The following ADD2 variants were observed in gnomAD, a reference collection of about 807,000 sequenced individuals.
The protein encoded by ADD2 is adducin 2, also known as beta-adducin.
In ADD2, 23 loss-of-function variants were observed where a neutral mutation model predicts 83.0. The ratio of observed to expected loss-of-function variants is 0.28; its 90% CI spans 0.20 to 0.39. The LOEUF is 0.39. Ranked by LOEUF, ADD2 falls within the 10% of genes least tolerant of loss-of-function variation. ADD2 has a pLI of 1.00. For synonymous variants in ADD2, 375 were observed against 375.4 expected, an observed-to-expected ratio of 1.00 and a Z score of 0.01; for missense variants, 758 against 944.9, an observed-to-expected ratio of 0.80 and a Z score of 2.59.
chr2:70,766,555 T>C lies in ADD2; in HGVS notation c.-154+1331A>G, dbSNP rs76374443. On this transcript the variant is annotated intron_variant, in intron 1 of 15. Coordinates refer to ENST00000264436, the MANE Select transcript of ADD2 (RefSeq NM_001617.4). Reference sequence around the variant, plus strand: ...AAACACTTTTACTTCAAATGCTGACTTGCTATTTTTCTCTTAAAACGGAAC... The same window carrying C: ...AAACACTTTTACTTCAAATGCTGACCTGCTATTTTTCTCTTAAAACGGAAC... Among the ~76,000 whole-genome samples, 697 of 152,372 alleles carry C rather than the reference T, an allele frequency of 4.6e-3. 3 individuals carry two copies. The highest frequency in any genetic ancestry group is 0.016 in the African/African-American group (674 of 41,588).
chr2:70,696,011 G>A (rs782510012), intron 5 of ADD2, among the ~76,000 whole-genome samples: 1 of 152,222 alleles, frequency 6.6e-6, no homozygotes, highest in African/African-American at 2.4e-5. Context: ...AACTCACTAT[G>A]ATCAAGGGTA....
rs1241289584 is a variant in ADD2, at chr2:70,706,354, G to A, written c.55C>T (p.Pro19Ser). The A allele has an allele frequency of 4.3e-6, 7 of 1,613,222 alleles. No individual in the cohort carries two copies. Among genetic ancestry groups the A allele is most frequent in the South Asian group, 1.1e-5 (1 of 91,040 alleles). Reference sequence around the variant, plus strand: ...TCCTCTGAGAAGCGGTCAAAGTAAGGCTGCCCCTGCGGGGGCGGCGGCGAG... The same window carrying A: ...TCCTCTGAGAAGCGGTCAAAGTAAGACTGCCCCTGCGGGGGCGGCGGCGAG... Reference protein sequence around the residue: ...AASPPPPQGQPYFDRFSEDDP... With the variant: ...AASPPPPQGQSYFDRFSEDDP... Residue 19 changes from proline (P) to serine (S), a missense_variant, in exon 3 of 16, where the codon CCT (proline) becomes TCT (serine). Pro to Ser is a moderately conservative substitution (Grantham distance 74, BLOSUM62 -1). Coordinates refer to ENST00000264436, the MANE Select transcript of ADD2 (RefSeq NM_001617.4). This position sits in a 1 kb window ranked among gnomAD's most constrained non-coding sequence, Gnocchi z 5.0.
intron 1 of ADD2, among the ~76,000 whole-genome samples, chr2:70,729,044 C>A (rs782610206): frequency 3.9e-5 from 6 of 152,202 alleles, no homozygotes; most frequent in Non-Finnish European, 8.8e-5. Context: ...CTGGCCTGGG[C>A]CTTCACTGGC....
chr2:70,768,126 G>C lies in ADD2; in HGVS notation c.-394C>G. On this transcript the variant is annotated 5_prime_UTR_variant, in exon 1 of 16. Coordinates refer to ENST00000264436, the MANE Select transcript of ADD2 (RefSeq NM_001617.4). Reference sequence around the variant, plus strand: ...GCCGCAGTTCCTTGACAAAAGGCTCGGGTTCCCGCTAGTCCCTCACAGCCC... The same window carrying C: ...GCCGCAGTTCCTTGACAAAAGGCTCCGGTTCCCGCTAGTCCCTCACAGCCC... 1.4e-6 allele frequency: 1 copy of C among 692,700 alleles called. No individual in the cohort carries two copies. Among genetic ancestry groups the C allele is most frequent in the Non-Finnish European group, 2.4e-6 (1 of 420,620 alleles). The allele number at this position is 692,700 out of a possible 1,614,324, so 42.9% of individuals were successfully genotyped here.
At chr2:70,728,304 C>T (rs1673112487) in intron 1 of ADD2, among the ~76,000 whole-genome samples, 1 of 152,170 alleles carries the variant, frequency 6.6e-6, no homozygotes, top group Admixed American at 6.5e-5. Flanking sequence ...GGATCTGGGC[C>T]GGGCTCCAGT....
Position 70,731,567 on chromosome 2 carries a change from C to T in ADD2, c.-153-18383G>A, listed in dbSNP as rs184668190. 3.9e-5 allele frequency among the ~76,000 whole-genome samples: 6 copies of T among 152,294 alleles called. No individual in the cohort carries two copies. In the East Asian group the frequency reaches 5.8e-4, roughly 15 times the overall value. Reference sequence around the variant, plus strand: ...ACCATATCCCCAGCACCCAGAATAGCGTTAAGAGGTGTGCTCAGCAGGAAT... The same window carrying T: ...ACCATATCCCCAGCACCCAGAATAGTGTTAAGAGGTGTGCTCAGCAGGAAT... On this transcript the variant is annotated intron_variant, in intron 1 of 15. Coordinates refer to ENST00000264436, the MANE Select transcript of ADD2 (RefSeq NM_001617.4).
chr2:70,689,798 C>T (rs1437406238), intron 8 of ADD2, among the ~76,000 whole-genome samples: 1 of 152,156 alleles, frequency 6.6e-6, no homozygotes, highest in Non-Finnish European at 1.5e-5. Context: ...AAACAGGGCT[C>T]AAGAGTTCAG....
chr2:70,753,521 G>A (rs980802981), intron 1 of ADD2, among the ~76,000 whole-genome samples: 5 of 151,948 alleles, frequency 3.3e-5, no homozygotes, highest in African/African-American at 1.2e-4. Context: ...CCAGAGCCCA[G>A]AAGAAAAGAT....
At chr2:70,666,951 A>G (rs540450528) in intron 15 of ADD2, among the ~76,000 whole-genome samples, 19 of 152,130 alleles carry the variant, frequency 1.2e-4, no homozygotes, top group Non-Finnish European at 2.5e-4. Context: ...AGAGTCAGAG[A>G]CCACTGGAGG....
At chr2:70,759,221 GGCCTCCA>G (rs1674955978) in intron 1 of ADD2, among the ~76,000 whole-genome samples, 1 of 152,138 alleles carries the variant, frequency 6.6e-6, no homozygotes, top group Admixed American at 6.5e-5. Context: ...TAAGCTCCCT[GGCCTCCA>G]GATCCTGCCC....
chr2:70,715,337 G>A (rs1672409614), intron 1 of ADD2, among the ~76,000 whole-genome samples: 2 of 152,234 alleles, frequency 1.3e-5, no homozygotes, highest in African/African-American at 4.8e-5. Flanking sequence ...GCTGTACCAA[G>A]CACAGCATCA....
intron 1 of ADD2, among the ~76,000 whole-genome samples, chr2:70,718,837 C>T (rs1311726852): frequency 6.6e-6 from 1 of 152,198 alleles, no homozygotes; most frequent in Non-Finnish European, 1.5e-5. Context: ...TTCTGCCCCT[C>T]ATTCGAACAA....
intron 1 of ADD2, among the ~76,000 whole-genome samples, chr2:70,749,511 C>T (rs1394338821): frequency 6.6e-6 from 1 of 152,048 alleles, no homozygotes; most frequent in Admixed American, 6.6e-5. Flanking sequence ...ATTCACCTCC[C>T]CTTCTTCCTC....
At position 70,676,442 on chromosome 2, in the gene ADD2, G is replaced by A. The variant is rs552588662; in HGVS notation, c.1593+354C>T. 4.9e-6 allele frequency: 6 copies of A among 1,233,848 alleles called. No individual in the cohort carries two copies. The highest frequency in any genetic ancestry group is 6.1e-6 in the Non-Finnish European group (6 of 983,572). 76.4% of individuals were successfully genotyped at this position (1,233,848 alleles called of 1,614,324 possible). On this transcript the variant is annotated intron_variant, in intron 13 of 15. Coordinates refer to ENST00000264436, the MANE Select transcript of ADD2 (RefSeq NM_001617.4). This position sits in a 1 kb window ranked among gnomAD's most constrained non-coding sequence, Gnocchi z 4.8. ...ACTCTCAGGGCTGGGCACACCTGGG[G>A]CACCTGGGAGTCTCCAGCCCCAAGC...
At chr2:70,705,050 G>C (rs890541629) in intron 3 of ADD2, among the ~76,000 whole-genome samples, 1 of 152,204 alleles carries the variant, frequency 6.6e-6, no homozygotes, top group East Asian at 1.9e-4. Flanking sequence ...GGCCACTTAG[G>C]TGTGTTGGCC....
chr2:70,731,693 C>G (rs1335967056), intron 1 of ADD2, among the ~76,000 whole-genome samples: 1 of 152,190 alleles, frequency 6.6e-6, no homozygotes, highest in Non-Finnish European at 1.5e-5. Context: ...TGTGGCTGCA[C>G]AGATCTCTTG....
chr2:70,698,356 G>T (rs1260407130), intron 4 of ADD2, among the ~76,000 whole-genome samples: 3 of 152,186 alleles, frequency 2.0e-5, no homozygotes, highest in Admixed American at 6.5e-5. Context: ...TCACCCACAG[G>T]TACAAGGGGC....
At chr2:70,702,115 G>A (rs1359328121) in intron 4 of ADD2, among the ~76,000 whole-genome samples, 1 of 152,096 alleles carries the variant, frequency 6.6e-6, no homozygotes, top group Non-Finnish European at 1.5e-5. Flanking sequence ...AATCCCAAAA[G>A]GAATTTTTAA....
intron 1 of ADD2, among the ~76,000 whole-genome samples, chr2:70,728,346 C>T (rs1260699195): frequency 6.6e-6 from 1 of 152,190 alleles, no homozygotes; most frequent in Non-Finnish European, 1.5e-5. Context: ...TTAGCATATA[C>T]CCAACCCCCT....
Sources: allele counts gnomAD v4.1 joint callset (sites outside exome capture counted in the v4.1 genomes callset), GRCh38; gene constraint gnomAD v4.1.1; non-coding constraint Gnocchi (gnomAD v3.1); transcripts MANE v1.5; gene names NCBI Gene and HGNC (gene_info 2026-07-23, HGNC 2026-07-21).